Variants in ZSCAN5B observed in about 807,000 individuals in gnomAD.
The protein encoded by ZSCAN5B is zinc finger and SCAN domain-containing protein 5B.
In ZSCAN5B, 26 loss-of-function variants were observed where a neutral mutation model predicts 25.2. The ratio of observed to expected loss-of-function variants is 1.03; its 90% CI spans 0.76 to 1.43. The LOEUF (loss-of-function observed/expected upper bound fraction) is 1.43. ZSCAN5B is among the 40% of genes most tolerant of loss of function. The pLI is 0.00. For missense variants in ZSCAN5B, 745 were observed against 622.1 expected, an observed-to-expected ratio of 1.20 and a Z score of -2.10; for synonymous variants, 244 against 240.9, an observed-to-expected ratio of 1.01 and a Z score of -0.12.
intron 2 of ZSCAN5B, 41 bp downstream of exon 2, chr19:56,192,628 C>T (rs764145346): frequency 1.9e-5 from 30 of 1,555,946 alleles, no homozygotes; most frequent in Non-Finnish European, 2.4e-5. Flanking sequence ...GCCCCCATCC[C>T]AGCTCCCCTT....
exon 5 of ZSCAN5B, chr19:56,190,182 G>A (rs1184028394): frequency 4.3e-6 from 7 of 1,614,052 alleles, no homozygotes; most frequent in Non-Finnish European, 5.1e-6. Flanking sequence ...TCTGTCTCCT[G>A]TGTGTGACCT....
At chr19:56,191,047 T>C (rs1015239318) in intron 3 of ZSCAN5B, 60 bp from the exon 4 acceptor site, 7 of 1,605,354 alleles carry the variant, frequency 4.4e-6, no homozygotes, top group African/African-American at 2.7e-5. Context: ...AGTAGGGACA[T>C]GTCTGTCCCC....
chr19:56,190,109 C>A (rs755999950), exon 5 of ZSCAN5B: 1 of 1,614,042 alleles, frequency 6.2e-7, no homozygotes, highest in Non-Finnish European at 8.5e-7. Flanking sequence ...TGTGGACTCG[C>A]TGGTGAACTC....
chr19:56,192,238 A>T (rs907119352), intron 2 of ZSCAN5B, among the ~76,000 whole-genome samples, 185 bp from the exon 3 acceptor site: 4 of 152,222 alleles, frequency 2.6e-5, no homozygotes, highest in South Asian at 4.1e-4. Context: ...ATAAGTACAT[A>T]AATATGAGTC....
chr19:56,190,528 C>A, exon 5 of ZSCAN5B: 1 of 1,613,730 alleles, frequency 6.2e-7, no homozygotes, highest in Non-Finnish European at 8.5e-7. Flanking sequence ...ACATTTTCCA[C>A]AGAGGCTCTT....
intron 1 of ZSCAN5B, among the ~76,000 whole-genome samples, chr19:56,197,453 G>C (rs1252462921): frequency 6.6e-6 from 1 of 152,104 alleles, no homozygotes; most frequent in East Asian, 1.9e-4. Context: ...GGTCAGACTG[G>C]TCTTGAACTC....
chr19:56,193,125 T>C, exon 2 of ZSCAN5B: 1 of 1,433,398 alleles, frequency 7.0e-7, no homozygotes, highest in African/African-American at 1.4e-5. Flanking sequence ...GAGACCTATT[T>C]ACACAGGCTG....
At chr19:56,190,345 G>C (rs1357161900) in exon 5 of ZSCAN5B, 7 of 1,614,016 alleles carry the variant, frequency 4.3e-6, no homozygotes, top group Non-Finnish European at 5.9e-6. Context: ...GCTTGTCCTG[G>C]GGATTCTCTG....
intron 1 of ZSCAN5B, among the ~76,000 whole-genome samples, chr19:56,196,878 C>T (rs532774178): frequency 9.9e-5 from 15 of 152,282 alleles, no homozygotes; most frequent in Admixed American, 2.6e-4. Context: ...CCCTAAGCGC[C>T]CCTGCTCAGA....
chr19:56,189,777 A>G (rs1430290066), exon 5 of ZSCAN5B: 1 of 1,545,240 alleles, frequency 6.5e-7, no homozygotes. Context: ...TTGGAGAAAA[A>G]CCATCATTCA....
exon 5 of ZSCAN5B, chr19:56,190,251 A>G (rs370054206): frequency 4.3e-6 from 7 of 1,614,162 alleles, no homozygotes; most frequent in Non-Finnish European, 5.9e-6. Flanking sequence ...GTCACATGCA[A>G]AGGGCGGCAG....
chr19:56,191,332 C>A (rs570310317), intron 3 of ZSCAN5B, among the ~76,000 whole-genome samples: 3 of 152,220 alleles, frequency 2.0e-5, no homozygotes, highest in Admixed American at 6.5e-5. Context: ...CTGGAGGGGG[C>A]GCTCCTGTGC....
exon 5 of ZSCAN5B, chr19:56,189,942 T>G (rs2032700244): frequency 6.2e-7 from 1 of 1,613,946 alleles, no homozygotes; most frequent in Non-Finnish European, 8.5e-7. Context: ...GTGGGTGCGC[T>G]GGTGAACGTT....
At position 56,197,887 on chromosome 19, in the gene ZSCAN5B, C is replaced by A. The variant is rs551099193; in HGVS notation, c.-281G>T. 9 of 984,390 alleles carry A rather than the reference C, an allele frequency of 9.1e-6. No individual in the cohort carries two copies. In the African/African-American group the frequency reaches 1.4e-4, roughly 15 times the overall value. The allele number at this position is 984,390 out of a possible 1,614,324, so 61.0% of individuals were successfully genotyped here. ...CGTGATTGGTTTAGGGCCACAGAGT[C>A]CATTTTCGTAATCGGCGTTGATTAC... On this transcript the variant is annotated 5_prime_UTR_variant, in exon 1 of 5. Coordinates refer to ENST00000586855, the Ensembl canonical transcript of ZSCAN5B.
exon 5 of ZSCAN5B, chr19:56,190,273 C>T: frequency 1.2e-6 from 2 of 1,614,212 alleles, no homozygotes; most frequent in Non-Finnish European, 1.7e-6. Flanking sequence ...GCCTTGGCTT[C>T]TTGGCCATCT....
Position 56,189,839 on chromosome 19 carries a change from G to A in ZSCAN5B, c.1476C>T (p.Thr492=), listed in dbSNP as rs909962229. The A allele has an allele frequency of 3.1e-6, 5 of 1,607,448 alleles. No individual in the cohort carries two copies. The African/African-American group carries it at 6.7e-5, about 22-fold the overall frequency. ...CCTGACTCTGGAATCACTGGGAGGTGGTTTCCCGGTGTGTTTTCAGGTGAC... is the reference window on the plus strand; with the variant it reads ...CCTGACTCTGGAATCACTGGGAGGTAGTTTCCCGGTGTGTTTTCAGGTGAC... The change falls in exon 5 of 5, where the codon ACC becomes ACT. Residue 492 remains threonine, a synonymous_variant. Coordinates refer to ENST00000586855, the Ensembl canonical transcript of ZSCAN5B.
intron 4 of ZSCAN5B, 27 bp from the exon 5 acceptor site, chr19:56,190,602 A>G (rs2032718262): frequency 1.3e-6 from 2 of 1,598,748 alleles, no homozygotes; most frequent in Admixed American, 1.7e-5. Flanking sequence ...TTCCACACAC[A>G]ACAGTTAACA....
rs747459699 is a variant in ZSCAN5B, at chr19:56,190,959, A to G, written c.617T>C (p.Ile206Thr). ...AGAGTTTGGGTCACCTGTTACGTCAATACTCTTGTGTAGCAGAAAGTCCTC... is the reference window on the plus strand; with the variant it reads ...AGAGTTTGGGTCACCTGTTACGTCAGTACTCTTGTGTAGCAGAAAGTCCTC... The change falls in exon 4 of 5, where the codon ATT becomes ACT. Residue 206 changes from isoleucine (I) to threonine (T), a missense_variant. By Grantham distance (89) the Ile-to-Thr change is moderately conservative (BLOSUM62 -1). Coordinates refer to ENST00000586855, the Ensembl canonical transcript of ZSCAN5B. The G allele has an allele frequency of 6.2e-7, 1 of 1,614,010 alleles. No individual in the cohort carries two copies. Among genetic ancestry groups the G allele is most frequent in the East Asian group, 2.2e-5 (1 of 44,856 alleles).
chr19:56,197,571 C>T (rs2032826098), intron 1 of ZSCAN5B, among the ~76,000 whole-genome samples, 163 bp downstream of exon 1: 1 of 152,170 alleles, frequency 6.6e-6, no homozygotes, highest in African/African-American at 2.4e-5. Context: ...TACAGAAGCA[C>T]TTCATCGCCA....
Sources: gnomAD v4.1 joint callset for allele counts (sites outside exome capture counted in the v4.1 genomes callset) on GRCh38, gnomAD v4.1.1 for gene constraint, MANE v1.5 for transcripts, NCBI Gene and HGNC (gene_info 2026-07-23, HGNC 2026-07-21) for gene names.